Variants in CSMD2 observed in about 807,000 individuals in gnomAD.
The protein encoded by CSMD2 is CUB and sushi domain-containing protein 2.
In CSMD2, 130 loss-of-function variants were observed where a neutral mutation model predicts 398.5. The ratio of observed to expected loss-of-function variants is 0.33; its 90% confidence interval spans 0.28 to 0.38. CSMD2 has a LOEUF of 0.38. CSMD2 is among the 10% of genes least tolerant of loss of function. The pLI, the probability that CSMD2 is intolerant of heterozygous loss-of-function variation, is 1.00. For synonymous variants in CSMD2, 1,828 were observed against 1,908.5 expected (o/e 0.96, Z 1.10); for missense variants, 3,829 against 4,764.9 (o/e 0.80, Z 5.78).
chr1:33,668,934 A>G (rs1571156381), intron 25 of CSMD2, among the ~76,000 whole-genome samples: 1 of 152,242 alleles, frequency 6.6e-6, no homozygotes, highest in African/African-American at 2.4e-5. Flanking sequence ...TATGTGCAAT[A>G]GGTGCTAAAG....
At chr1:33,724,769 C>A (rs955126517) in intron 17 of CSMD2, 65 bp from the exon 18 acceptor site, 25 of 1,453,882 alleles carry the variant, frequency 1.7e-5, no homozygotes, top group Non-Finnish European at 2.4e-5. Context: ...CCCCAGTTGA[C>A]TCCAAAGAGT....
Position 33,537,511 on chromosome 1 carries a change from G to C in CSMD2, c.9730C>G (p.Leu3244Val). 6.2e-7 allele frequency: 1 copy of C among 1,614,246 alleles called. No individual in the cohort carries two copies. The highest frequency in any genetic ancestry group is 8.5e-7 in the Non-Finnish European group (1 of 1,180,046). ...CTGCGTGGAGAGCCCACCAGCACCA[G>C]AGGGGGATGGCAGGAGAAGGAGACA... ...SSVSFSCHPP[L>V]VLVGSPRRFC... Residue 3244 changes from leucine (L) to valine (V), a missense_variant, in exon 61 of 71, where the codon CTG (leucine) becomes GTG (valine). Physicochemically the swap from Leu to Val is conservative, Grantham distance 32 (BLOSUM62 1). Transcript: ENST00000373381. This position sits in a 1 kb window ranked among gnomAD's most constrained non-coding sequence, Gnocchi z 4.6.
intron 22 of CSMD2, among the ~76,000 whole-genome samples, chr1:33,704,017 G>A (rs1258749982): frequency 2.0e-5 from 3 of 152,120 alleles, no homozygotes; most frequent in African/African-American, 4.8e-5. Flanking sequence ...CCATGAGAAT[G>A]AAATCTCCCT....
chr1:33,754,977 T>C (rs1237508874), intron 13 of CSMD2, among the ~76,000 whole-genome samples: 5 of 151,980 alleles, frequency 3.3e-5, no homozygotes, highest in Non-Finnish European at 7.4e-5. Context: ...GTAGTTTCCA[T>C]GGAGAAATGG....
At chr1:33,524,733 G>C in intron 66 of CSMD2, 149 bp downstream of exon 66, 2 of 705,972 alleles carry the variant, frequency 2.8e-6, no homozygotes. Flanking sequence ...GCTTTATCAT[G>C]TAAAGATGAA....
chr1:33,997,196 G>T (rs1370626581), intron 3 of CSMD2, among the ~76,000 whole-genome samples: 4 of 152,210 alleles, frequency 2.6e-5, no homozygotes, highest in Non-Finnish European at 2.9e-5. Flanking sequence ...AGCTGCCTGG[G>T]CAGGCTGGGC....
chr1:34,117,195 T>A (rs1173046425), intron 1 of CSMD2, among the ~76,000 whole-genome samples: 2 of 151,890 alleles, frequency 1.3e-5, no homozygotes, highest in East Asian at 3.9e-4. Flanking sequence ...ATAAACAAAA[T>A]TAAGAGTTGA....
At chr1:33,831,441 C>T (rs1458254007) in intron 6 of CSMD2, among the ~76,000 whole-genome samples, 1 of 152,068 alleles carries the variant, frequency 6.6e-6, no homozygotes, top group East Asian at 1.9e-4. Context: ...AAATAAAATC[C>T]CTTACAAACA....
intron 46 of CSMD2, among the ~76,000 whole-genome samples, chr1:33,584,911 C>T (rs1638974370): frequency 3.3e-5 from 5 of 151,938 alleles, no homozygotes; most frequent in African/African-American, 7.3e-5. Context: ...GAGCAGGATT[C>T]GTTATTTCGT....
chr1:33,997,590 C>T (rs1381157911), intron 3 of CSMD2, among the ~76,000 whole-genome samples: 2 of 152,132 alleles, frequency 1.3e-5, no homozygotes, highest in African/African-American at 2.4e-5. Context: ...AGCAGGCAAA[C>T]GGTGACCCAT....
intron 25 of CSMD2, among the ~76,000 whole-genome samples, chr1:33,679,264 C>G (rs1195284166): frequency 6.8e-6 from 1 of 147,698 alleles, no homozygotes; most frequent in South Asian, 2.2e-4. Flanking sequence ...TGCAGTGGTG[C>G]CATCTTGGCT....
intron 54 of CSMD2, among the ~76,000 whole-genome samples, chr1:33,558,508 A>C (rs1426517260): frequency 6.6e-6 from 1 of 152,218 alleles, no homozygotes; most frequent in Non-Finnish European, 1.5e-5. Flanking sequence ...ATAACCCATG[A>C]CTATACTTTT....
At chr1:33,582,993 C>T (rs991920470) in intron 47 of CSMD2, among the ~76,000 whole-genome samples, 10 of 152,224 alleles carry the variant, frequency 6.6e-5, no homozygotes, top group African/African-American at 2.4e-4. Context: ...AGCTATGTTA[C>T]TTCTCCTGCT....
chr1:33,735,067 C>T (rs546534801), intron 15 of CSMD2, among the ~76,000 whole-genome samples: 39 of 152,162 alleles, frequency 2.6e-4, no homozygotes, highest in Non-Finnish European at 4.3e-4. Context: ...ACGGGGATGT[C>T]GAAAGTAGAA....
rs148442030 is a variant in CSMD2, at chr1:33,724,550, G to A, written c.2850C>T (p.Asn950=). Residue 950 remains asparagine (N), a synonymous_variant, in exon 18 of 71, where the codon AAC becomes AAT. Transcript: ENST00000373381. The part of the protein sequence containing the change: ...SDGEPLECEP[N]FQWSRALPSC... ...TGGGCAGGGCCCGGCTCCACTGGAA[G>A]TTGGGCTCACACTCCAGAGGCTCCC... is the stretch of plus-strand genomic sequence containing the variant. 180 of 1,614,210 alleles carry A rather than the reference G, an allele frequency of 1.1e-4. No homozygotes were observed. The African/African-American group carries it at 2.1e-3, about 19-fold the overall frequency.
At chr1:33,984,161 CAAA>C (rs5773446) in intron 3 of CSMD2, among the ~76,000 whole-genome samples, 1 of 146,164 alleles carries the variant, frequency 6.8e-6, no homozygotes, top group Non-Finnish European at 1.5e-5. Context: ...CTCCCCCCAC[CAAA>C]AAAAAAAAAG....
chr1:33,775,102 C>T (rs1651796802), intron 12 of CSMD2, among the ~76,000 whole-genome samples: 1 of 152,150 alleles, frequency 6.6e-6, no homozygotes. Flanking sequence ...ACCTCATCTA[C>T]AAAATTTCAA....
In CSMD2 at chr1:33,559,182, C is replaced by A; in HGVS notation, c.8554+118G>T. The A allele has an allele frequency of 1.1e-6, 1 of 915,816 alleles. No individual in the cohort carries two copies. The highest frequency in any genetic ancestry group is 1.6e-6 in the Non-Finnish European group (1 of 625,712). The allele number at this position is 915,816 out of a possible 1,614,324, so 56.7% of individuals were successfully genotyped here. A position where few individuals can be genotyped will look rare whatever the true frequency, so the allele number is the denominator to read the frequency against. On this transcript the variant is annotated intron_variant, in intron 54 of 70. Transcript: ENST00000373381. This position sits in a 1 kb window ranked among gnomAD's most constrained non-coding sequence, Gnocchi z 4.0. ...CATTTATGACCCTTCTCTGCTCCATCTTCCCTATCTGGATCAGAATGATGC... is the reference window on the plus strand; with the variant it reads ...CATTTATGACCCTTCTCTGCTCCATATTCCCTATCTGGATCAGAATGATGC...
At chr1:33,996,422 A>G (rs1646728919) in intron 3 of CSMD2, among the ~76,000 whole-genome samples, 1 of 152,214 alleles carries the variant, frequency 6.6e-6, no homozygotes, top group African/African-American at 2.4e-5. Flanking sequence ...GATTCTGCAT[A>G]TATCAGCTGT....
Sources: allele counts gnomAD v4.1 joint callset (sites outside exome capture counted in the v4.1 genomes callset), GRCh38; gene constraint gnomAD v4.1.1; non-coding constraint Gnocchi (gnomAD v3.1); transcripts MANE v1.5; gene names NCBI Gene and HGNC (gene_info 2026-07-23, HGNC 2026-07-21).